Variants in NPIPB2 observed in about 807,000 individuals in gnomAD.
NPIPB2 encodes nuclear pore complex-interacting protein family member B2.
NPIPB2 carries 27 observed loss-of-function variants against 30.8 expected under a neutral mutation model. That is an observed-to-expected ratio of 0.88 (90% CI 0.65 to 1.21). The LOEUF is 1.21. Among genes scored for constraint, NPIPB2 ranks in the 50% most tolerant of loss-of-function variants. NPIPB2 has a pLI of 0.00. For missense variants in NPIPB2, 440 were observed against 446.2 expected (o/e 0.99, Z 0.13); for synonymous variants, 147 against 162.0 (o/e 0.91, Z 0.70).
At chr16:11,949,112 G>A (rs772647228) in intron 1 of NPIPB2, among the ~76,000 whole-genome samples, 6 of 151,484 alleles carry the variant, frequency 4.0e-5, no homozygotes, top group Non-Finnish European at 8.8e-5. Context: ...TGCTGTGATC[G>A]GGCCACTCTA....
At chr16:11,947,881 C>T (rs7193792) in intron 1 of NPIPB2, among the ~76,000 whole-genome samples, 2,282 of 150,654 alleles carry the variant, frequency 0.015, 23 homozygotes, top group Non-Finnish European at 0.025. Flanking sequence ...CATCAGTGCC[C>T]GTGAAGCATG....
intron 1 of NPIPB2, among the ~76,000 whole-genome samples, chr16:11,975,186 C>G (rs1403380190): frequency 1.6e-5 from 1 of 62,568 alleles, no homozygotes; most frequent in Non-Finnish European, 2.7e-5. Flanking sequence ...CTCGCTCTGT[C>G]GCCCAGGCTG....
chr16:11,942,153 G>A, upstream of NPIPB2: 1 of 1,525,690 alleles, frequency 6.6e-7, no homozygotes, highest in Non-Finnish European at 8.8e-7. Context: ...TTCATTTTAA[G>A]CATGCATGGT....
intron 5 of NPIPB2, among the ~76,000 whole-genome samples, chr16:11,930,114 C>A (rs1197595055): frequency 3.1e-5 from 3 of 95,460 alleles, no homozygotes; most frequent in African/African-American, 1.3e-4. Context: ...CAGGCATAGT[C>A]CTTTTGAAGG....
upstream of NPIPB2, chr16:11,942,171 CA>C: frequency 7.4e-7 from 1 of 1,347,024 alleles, no homozygotes; most frequent in Non-Finnish European, 1.0e-6. Context: ...GGTACATTTA[CA>C]AAAATTAACC....
At chr16:11,952,315 T>C (rs2055074838) in intron 1 of NPIPB2, among the ~76,000 whole-genome samples, 1 of 151,596 alleles carries the variant, frequency 6.6e-6, no homozygotes, top group Admixed American at 6.6e-5. Context: ...GCCACTGCAC[T>C]CCAGCCTGGA....
upstream of NPIPB2, among the ~76,000 whole-genome samples, chr16:11,944,733 CAAAAAAAAA>C (rs56283093): frequency 2.2e-5 from 1 of 46,124 alleles, no homozygotes; most frequent in Non-Finnish European, 3.3e-5. Context: ...GACTCCGTGT[CAAAAAAAAA>C]AAAAAAAAAA....
chr16:11,975,684 G>A lies in NPIPB2; in HGVS notation c.-584+884C>T, dbSNP rs535944910. ...CGGCTCACTGAAACCTCTGCCTCCC[G>A]GGTTCAAGCAATTCTCCTGTTTCAG... On this transcript the variant is annotated intron_variant, in intron 1 of 5. Transcript: ENST00000538896. Among the ~76,000 whole-genome samples, 7 of 151,770 alleles carry A rather than the reference G, an allele frequency of 4.6e-5. No individual in the cohort carries two copies. In the South Asian group the frequency reaches 1.0e-3, roughly 23 times the overall value.
chr16:11,966,431 T>C, intron 1 of NPIPB2: 1 of 1,358,414 alleles, frequency 7.4e-7, no homozygotes, highest in Non-Finnish European at 1.0e-6. Flanking sequence ...GTTGACTATT[T>C]CACTTCGTTA....
chr16:11,960,862 TC>T (rs1031850158), intron 1 of NPIPB2, among the ~76,000 whole-genome samples: 1 of 151,556 alleles, frequency 6.6e-6, no homozygotes, highest in African/African-American at 2.4e-5. Context: ...GATTTTTTTT[TC>T]TTTCTTTTCT....
At chr16:11,956,003 A>G (rs182053816) in intron 1 of NPIPB2, 1 of 152,232 alleles carries the variant, frequency 6.6e-6, no homozygotes, top group Admixed American at 6.6e-5. Context: ...TGCCTCAGCC[A>G]CACGTTTTCA....
At chr16:11,970,071 G>A (rs922365871) in intron 1 of NPIPB2, among the ~76,000 whole-genome samples, 2 of 151,906 alleles carry the variant, frequency 1.3e-5, no homozygotes, top group East Asian at 2.0e-4. Flanking sequence ...GGGTATGGCC[G>A]GGTGTGGTGG....
intron 1 of NPIPB2, chr16:11,965,475 G>T: frequency 1.9e-6 from 3 of 1,612,476 alleles, no homozygotes; most frequent in Non-Finnish European, 2.5e-6. Context: ...TTGCTTGAAC[G>T]ATTATTCATT....
intron 1 of NPIPB2, among the ~76,000 whole-genome samples, chr16:11,969,333 C>T (rs1257789329): frequency 2.0e-5 from 3 of 152,112 alleles, no homozygotes; most frequent in Non-Finnish European, 4.4e-5. Flanking sequence ...TCTCAGCTCA[C>T]TGCAACCTCT....
chr16:11,932,865 G>A lies in NPIPB2; in HGVS notation c.488+652C>T, dbSNP rs1275242409. ...AATCCAAGCTACTCAGGAAGCTGAG[G>A]CAGAATTGCTTCAAATTGGGAGGCA... On this transcript the variant is annotated intron_variant, in intron 4 of 7. Transcript: ENST00000399147. Among the ~76,000 whole-genome samples the A allele has an allele frequency of 7.5e-5, 11 of 147,110 alleles. No individual in the cohort carries two copies. The Admixed American group carries it at 7.6e-4, about 10-fold the overall frequency.
At chr16:11,938,538 C>G (rs184428190) in intron 1 of NPIPB2, among the ~76,000 whole-genome samples, 174 of 151,114 alleles carry the variant, frequency 1.2e-3, no homozygotes, top group Middle Eastern at 6.9e-3. Context: ...GCCATGTTGG[C>G]CAGGGTGGTC....
chr16:11,947,299 T>C (rs957189912), intron 1 of NPIPB2, among the ~76,000 whole-genome samples: 5 of 24,920 alleles, frequency 2.0e-4, no homozygotes, highest in Non-Finnish European at 3.8e-4. Context: ...ACACATATTT[T>C]ATTTATTTAT....
exon 1 of NPIPB2, chr16:11,976,601 C>A (rs958122495): frequency 4.9e-5 from 18 of 365,330 alleles, no homozygotes; most frequent in South Asian, 1.4e-4. Context: ...CTCAGCACCG[C>A]TCTCCACACC....
At chr16:11,944,414 A>G (rs1317432820), upstream of NPIPB2, among the ~76,000 whole-genome samples, 5 of 151,706 alleles carry the variant, frequency 3.3e-5, no homozygotes, top group African/African-American at 1.2e-4. Flanking sequence ...TGATCTGCCC[A>G]CCTCAGCCTC....
Sources: gnomAD v4.1 joint callset for allele counts (sites outside exome capture counted in the v4.1 genomes callset) on GRCh38, gnomAD v4.1.1 for gene constraint, MANE v1.5 for transcripts, NCBI Gene and HGNC (gene_info 2026-07-23, HGNC 2026-07-21) for gene names.